Variants in FAM91A1 observed in about 807,000 individuals in gnomAD.
The protein encoded by FAM91A1 is protein FAM91A1.
In FAM91A1, 41 loss-of-function variants were observed where a neutral mutation model predicts 113.5. The observed-to-expected ratio is 0.36, with a 90% CI of 0.28 to 0.47. The LOEUF (loss-of-function observed/expected upper bound fraction) is 0.47, where lower values mean the gene tolerates loss of function less well. Among genes scored for constraint, FAM91A1 ranks in the 20% least tolerant of loss-of-function variants. FAM91A1 has a pLI of 1.00. For missense variants in FAM91A1, 696 were observed against 1,001.2 expected (o/e 0.70, Z 4.11); for synonymous variants, 307 against 347.9 (o/e 0.88, Z 1.31).
At chr8:123,773,113 A>G (rs559917431) in intron 1 of FAM91A1, among the ~76,000 whole-genome samples, 3 of 152,286 alleles carry the variant, frequency 2.0e-5, no homozygotes, top group East Asian at 1.9e-4. Context: ...GGGACACATC[A>G]TGTTCTATTT....
intron 3 of FAM91A1, among the ~76,000 whole-genome samples, chr8:123,776,777 A>G (rs942950286): frequency 1.3e-5 from 2 of 152,196 alleles, no homozygotes; most frequent in Admixed American, 6.5e-5. Flanking sequence ...GGAGAAACAG[A>G]TTGGGGCAGA....
In FAM91A1 at chr8:123,778,791, T is replaced by A; in HGVS notation, c.549+19T>A. The A allele has an allele frequency of 7.2e-7, 1 of 1,396,264 alleles. No individual in the cohort carries two copies. The allele number at this position is 1,396,264 out of a possible 1,614,324, so 86.5% of individuals were successfully genotyped here. On this transcript the variant is annotated intron_variant, in intron 6 of 23. Transcript: ENST00000334705. Reference sequence around the variant, plus strand: ...CATCAAGGTAGAAATCTTTAAAAGTTAAACATAGAATTTTTATTTTTTAGT... The same window carrying A: ...CATCAAGGTAGAAATCTTTAAAAGTAAAACATAGAATTTTTATTTTTTAGT...
intron 22 of FAM91A1, 32 bp downstream of exon 22, chr8:123,809,048 T>C: frequency 1.2e-6 from 2 of 1,602,954 alleles, no homozygotes; most frequent in Non-Finnish European, 1.7e-6. Flanking sequence ...CATATTTTCA[T>C]ATCAATTTTT....
chr8:123,787,027 G>A (rs2130091419), intron 12 of FAM91A1, among the ~76,000 whole-genome samples: 1 of 152,274 alleles, frequency 6.6e-6, no homozygotes, highest in Non-Finnish European at 1.5e-5. Flanking sequence ...GAATAGTGAG[G>A]CTAAGCCCAA....
At chr8:123,776,509 A>G (rs117435604) in intron 3 of FAM91A1, among the ~76,000 whole-genome samples, 3,842 of 152,344 alleles carry the variant, frequency 0.025, 68 homozygotes, top group Non-Finnish European at 0.034. Flanking sequence ...CCCAGGTAGC[A>G]TAGTGAAGAA....
At chr8:123,782,650 A>G (rs968261979) in intron 8 of FAM91A1, among the ~76,000 whole-genome samples, 2 of 152,196 alleles carry the variant, frequency 1.3e-5, no homozygotes, top group Admixed American at 6.5e-5. Flanking sequence ...CTTTTGTCGT[A>G]TATATTTAAA....
intron 18 of FAM91A1, among the ~76,000 whole-genome samples, chr8:123,801,052 A>G (rs1158521906): frequency 1.3e-5 from 2 of 152,276 alleles, no homozygotes; most frequent in East Asian, 3.9e-4. Flanking sequence ...ATAGGGATGG[A>G]ATTACTGGGT....
rs1450885436 is a variant in FAM91A1, at chr8:123,808,358, G to A, written c.2119G>A (p.Ala707Thr). Reference sequence around the variant, plus strand: ...CATTGAGGAAGCAACTATAGATTCAGCAACAAAGCAAACCTCTGGTATGGT... The same window carrying A: ...CATTGAGGAAGCAACTATAGATTCAACAACAAAGCAAACCTCTGGTATGGT... ...MVIEEATIDSATKQTSGATTE... is the reference protein window; with the variant it reads ...MVIEEATIDSTTKQTSGATTE... The change falls in exon 21 of 24, where the codon GCA becomes ACA. Residue 707 changes from alanine (A) to threonine (T), a missense_variant. Transcript: ENST00000334705. 3.1e-6 allele frequency: 5 copies of A among 1,613,250 alleles called. No individual in the cohort carries two copies. Among genetic ancestry groups the A allele is most frequent in the Non-Finnish European group, 3.4e-6 (4 of 1,179,516 alleles).
chr8:123,778,172 A>T lies in FAM91A1; in HGVS notation c.435+80A>T, dbSNP rs887070234. The T allele has an allele frequency of 2.6e-5, 27 of 1,054,406 alleles. No homozygotes were observed. In the South Asian group the frequency reaches 3.7e-4, roughly 14 times the overall value. 65.3% of individuals were successfully genotyped at this position (1,054,406 alleles called of 1,614,324 possible). A position where few individuals can be genotyped will look rare whatever the true frequency, so the allele number is the denominator to read the frequency against. On this transcript the variant is annotated intron_variant, in intron 5 of 23. Transcript: ENST00000334705. ...TTTTTTTAAGTGGTAGAAATAATGAATTGTATGTCTTTGACCAAATAAAAT... is the reference window on the plus strand; with the variant it reads ...TTTTTTTAAGTGGTAGAAATAATGATTTGTATGTCTTTGACCAAATAAAAT...
rs1259832117 is a variant in FAM91A1 at position 123,814,556 on chromosome 8, T to C, written c.*1852T>C. On this transcript the variant is annotated 3_prime_UTR_variant, in exon 24 of 24. Transcript: ENST00000334705. ...GGAATGATTTGCTGCTATATTTCCTTTGAGAGAGAAAGGAGGAAGAAATAG... is the reference window on the plus strand; with the variant it reads ...GGAATGATTTGCTGCTATATTTCCTCTGAGAGAGAAAGGAGGAAGAAATAG... The C allele has an allele frequency of 6.3e-6, 1 of 158,564 alleles. No homozygotes were observed. The allele number at this position is 158,564 out of a possible 1,614,324, so 9.8% of individuals were successfully genotyped here.
chr8:123,809,083 A>G lies in FAM91A1; in HGVS notation c.2261+67A>G. 1.5e-5 allele frequency: 24 copies of G among 1,576,256 alleles called. 1 individual carries two copies. The South Asian group carries it at 2.6e-4, about 17-fold the overall frequency. On this transcript the variant is annotated intron_variant, in intron 22 of 23. Transcript: ENST00000334705. ...TAAGCTGTCAGCAAATAGTTACCAT[A>G]TCTTACTTTTATTCCACACATGAGC...
intron 22 of FAM91A1, 77 bp downstream of exon 22, chr8:123,809,093 T>G: frequency 6.4e-7 from 1 of 1,562,104 alleles, no homozygotes; most frequent in South Asian, 1.2e-5. Flanking sequence ...ATCTTACTTT[T>G]ATTCCACACA....
At chr8:123,795,528 G>C (rs1335611910) in intron 15 of FAM91A1, among the ~76,000 whole-genome samples, 1 of 152,070 alleles carries the variant, frequency 6.6e-6, no homozygotes. Flanking sequence ...TGCCATGATT[G>C]TCAGCTTCCT....
At chr8:123,809,930 T>C (rs1815910778) in intron 22 of FAM91A1, among the ~76,000 whole-genome samples, 1 of 152,232 alleles carries the variant, frequency 6.6e-6, no homozygotes, top group Non-Finnish European at 1.5e-5. Context: ...TTTGGTTGTT[T>C]AAAGGTTGTG....
intron 15 of FAM91A1, among the ~76,000 whole-genome samples, chr8:123,790,393 A>G (rs1266167353): frequency 6.6e-6 from 1 of 152,064 alleles, no homozygotes; most frequent in Non-Finnish European, 1.5e-5. Flanking sequence ...GTGGCATGGC[A>G]CTCAGGAATG....
rs1486888374 is a variant in FAM91A1, at chr8:123,814,238, C to CT, written c.*1535dup. The CT allele has an allele frequency of 2.8e-6, 1 of 357,380 alleles. No homozygotes were observed. The highest frequency in any genetic ancestry group is 5.3e-6 in the Non-Finnish European group (1 of 189,382). The allele number at this position is 357,380 out of a possible 1,614,324, so 22.1% of individuals were successfully genotyped here. ...TAATATTAAATAATTTCTTACGACT[C>CT]TGAGTCACTCACTTATTTTTCCAAT... On this transcript the variant is annotated 3_prime_UTR_variant, in exon 24 of 24. Coordinates refer to ENST00000334705, the MANE Select transcript of FAM91A1 (RefSeq NM_144963.4).
chr8:123,775,154 T>C lies in FAM91A1; in HGVS notation c.165T>C (p.His55=), dbSNP rs1814950323. Residue 55 remains histidine, a synonymous_variant, in exon 3 of 24, where the codon CAT becomes CAC. Coordinates refer to ENST00000334705, the MANE Select transcript of FAM91A1 (RefSeq NM_144963.4). ...TTTCCCTCTTTTGTGCAGTTAAACA[T>C]GTCAAGAAAGATGAACGCAGATACT... ...QLRYRNNLVK[H]VKKDERRYYE... is the part of the protein sequence containing the mutation. 1.2e-6 allele frequency: 2 copies of C among 1,604,538 alleles called. No individual in the cohort carries two copies. The highest frequency in any genetic ancestry group is 1.3e-5 in the African/African-American group (1 of 74,646).
intron 15 of FAM91A1, among the ~76,000 whole-genome samples, chr8:123,795,421 G>A (rs1461306649): frequency 1.4e-5 from 2 of 147,924 alleles, no homozygotes; most frequent in Admixed American, 6.8e-5. Context: ...ATGATCGTGA[G>A]TTCTCACGAG....
chr8:123,781,246 T>G (rs1003450796), intron 8 of FAM91A1, among the ~76,000 whole-genome samples: 3 of 152,212 alleles, frequency 2.0e-5, no homozygotes, highest in African/African-American at 7.2e-5. Context: ...TTGTGTTTTA[T>G]TATACTTAGA....
Sources: allele counts gnomAD v4.1 joint callset (sites outside exome capture counted in the v4.1 genomes callset), GRCh38; gene constraint gnomAD v4.1.1; transcripts MANE v1.5; gene names NCBI Gene and HGNC (gene_info 2026-07-23, HGNC 2026-07-21).